Variants in RPTOR observed in about 807,000 individuals in gnomAD.
The protein encoded by RPTOR is regulatory-associated protein of mTOR.
A neutral mutation model predicts 169.9 loss-of-function variants in RPTOR; 21 were observed. The observed-to-expected ratio is 0.12, with a 90% CI of 0.09 to 0.18. The LOEUF is 0.18. RPTOR is among the 10% of genes least tolerant of loss of function. RPTOR has a pLI of 1.00. For missense variants in RPTOR, 1,133 were observed against 1,855.9 expected, an observed-to-expected ratio of 0.61 and a Z score of 7.16; for synonymous variants, 732 against 753.2, an observed-to-expected ratio of 0.97 and a Z score of 0.46.
intron 13 of RPTOR, among the ~76,000 whole-genome samples, chr17:80,862,988 G>A (rs550821925): frequency 5.9e-5 from 9 of 152,224 alleles, no homozygotes; most frequent in African/African-American, 2.2e-4. Flanking sequence ...CCAGCGGAAG[G>A]GCGAGCCTGG....
At chr17:80,890,173 G>C (rs2068302615) in intron 17 of RPTOR, among the ~76,000 whole-genome samples, 1 of 152,318 alleles carries the variant, frequency 6.6e-6, no homozygotes, top group Non-Finnish European at 1.5e-5. Flanking sequence ...TAACAGACGT[G>C]GCCCCTGTTG....
intron 20 of RPTOR, among the ~76,000 whole-genome samples, chr17:80,900,156 G>A (rs898980892): frequency 6.6e-6 from 1 of 151,944 alleles, no homozygotes; most frequent in Non-Finnish European, 1.5e-5. Flanking sequence ...GCCAGGAGTC[G>A]GGGACTCCTC....
At chr17:80,841,149 C>T (rs1810159340) in intron 10 of RPTOR, among the ~76,000 whole-genome samples, 1 of 127,412 alleles carries the variant, frequency 7.8e-6, no homozygotes, top group Non-Finnish European at 1.6e-5. Context: ...AGCTCACTCT[C>T]ACCGCACGGC....
At chr17:80,834,737 C>T (rs757691959) in intron 9 of RPTOR, among the ~76,000 whole-genome samples, 6 of 152,206 alleles carry the variant, frequency 3.9e-5, no homozygotes, top group Admixed American at 2.0e-4. Context: ...CAACACCAAG[C>T]GAGGGCCTTG....
chr17:80,830,302 G>A lies in RPTOR; in HGVS notation c.1136+7079G>A, dbSNP rs114108890. On this transcript the variant is annotated intron_variant, in intron 9 of 33. Coordinates refer to ENST00000306801, the MANE Select transcript of RPTOR (RefSeq NM_020761.3). ...CACTGACCAGTTCCGACCCCGCCCCGCCCCAACTCCAGCTCCACCCAGTTC... is the reference window on the plus strand; with the variant it reads ...CACTGACCAGTTCCGACCCCGCCCCACCCCAACTCCAGCTCCACCCAGTTC... 3.1e-3 allele frequency among the ~76,000 whole-genome samples: 466 copies of A among 152,152 alleles called. 2 individuals are homozygous for A. The highest frequency in any genetic ancestry group is 0.01 in the African/African-American group (424 of 41,468).
intron 4 of RPTOR, among the ~76,000 whole-genome samples, chr17:80,716,504 C>T (rs2066240708): frequency 6.6e-6 from 1 of 151,570 alleles, no homozygotes; most frequent in African/African-American, 2.4e-5. Flanking sequence ...AAGATTTTCT[C>T]TCACTCTGTG....
At chr17:80,809,981 C>T (rs1217493052) in intron 7 of RPTOR, among the ~76,000 whole-genome samples, 1 of 151,832 alleles carries the variant, frequency 6.6e-6, no homozygotes, top group Non-Finnish European at 1.5e-5. Context: ...ACGTTGAGTC[C>T]GTCCAGCAGT....
At position 80,800,392 on chromosome 17, in the gene RPTOR, G is replaced by A. The variant is rs370348937; in HGVS notation, c.890+8883G>A. 6.0e-4 allele frequency among the ~76,000 whole-genome samples: 92 copies of A among 152,276 alleles called. 1 individual carries two copies. The highest frequency in any genetic ancestry group is 1.4e-3 in the Admixed American group (21 of 15,306). ...AGGAAATCCAGTATTAACCCCTTCC[G>A]AGCTTTCGCCGTCCTTGTCAGATGG... On this transcript the variant is annotated intron_variant, in intron 7 of 33. Coordinates refer to ENST00000306801, the MANE Select transcript of RPTOR (RefSeq NM_020761.3).
Position 80,893,749 on chromosome 17 carries a change from GCAGCAGCGC to G in RPTOR, c.2293_2301del (p.Ala765_Ser767del). The G allele has an allele frequency of 1.2e-6, 2 of 1,608,466 alleles. No homozygotes were observed. The highest frequency in any genetic ancestry group is 1.7e-6 in the Non-Finnish European group (2 of 1,177,054). On this transcript the variant is annotated inframe_deletion, in exon 20 of 34. Transcript: ENST00000306801. ...TTCTCCCCCGGAAACCTCAGCACCA[GCAGCAGCGC>G]CAGCAGCACCCTGGGCAGCCCCGAG...
intron 7 of RPTOR, among the ~76,000 whole-genome samples, chr17:80,807,254 A>G (rs2067227338): frequency 6.6e-6 from 1 of 152,232 alleles, no homozygotes; most frequent in Non-Finnish European, 1.5e-5. Context: ...GTTTACATTT[A>G]GTGTAGTAAT....
At chr17:80,896,366 C>CCCGATACCCCACACGGCCGCG (rs2068399674) in intron 20 of RPTOR, among the ~76,000 whole-genome samples, 1 of 22,310 alleles carries the variant, frequency 4.5e-5, no homozygotes, top group Non-Finnish European at 1.8e-4. Context: ...ACACAGCCGC[C>CCCGATACCCCACACGGCCGCG]CCGACACCCC....
At chr17:80,654,118 G>A (rs1218565064) in intron 3 of RPTOR, among the ~76,000 whole-genome samples, 1 of 152,246 alleles carries the variant, frequency 6.6e-6, no homozygotes, top group Non-Finnish European at 1.5e-5. Flanking sequence ...TCCAGCAAGA[G>A]GAGAGAGAGG....
intron 2 of RPTOR, among the ~76,000 whole-genome samples, chr17:80,636,088 T>C (rs192404519): frequency 6.6e-6 from 1 of 152,322 alleles, no homozygotes; most frequent in African/African-American, 2.4e-5. Context: ...ACTCCAGCTT[T>C]ATTCCTTCCA....
intron 1 of RPTOR, among the ~76,000 whole-genome samples, chr17:80,552,295 G>T (rs2084355469): frequency 6.6e-6 from 1 of 152,148 alleles, no homozygotes; most frequent in Non-Finnish European, 1.5e-5. Context: ...TTTGGCCTCT[G>T]CCTGCCTTTT....
intron 6 of RPTOR, among the ~76,000 whole-genome samples, chr17:80,758,817 G>A (rs941327093): frequency 6.6e-6 from 1 of 151,964 alleles, no homozygotes; most frequent in Admixed American, 6.6e-5. Flanking sequence ...ACCCTCTGGG[G>A]CATTTTTGCA....
intron 10 of RPTOR, among the ~76,000 whole-genome samples, chr17:80,843,376 A>G (rs2067691458): frequency 6.6e-6 from 1 of 152,166 alleles, no homozygotes; most frequent in Admixed American, 6.5e-5. Flanking sequence ...AGCCAAGATC[A>G]TGCCACTGCA....
chr17:80,625,435 A>G, intron 1 of RPTOR, among the ~76,000 whole-genome samples: 1 of 152,166 alleles, frequency 6.6e-6, no homozygotes, highest in Admixed American at 6.5e-5. Flanking sequence ...GATTTATCAT[A>G]AGGAAGCCTG....
At chr17:80,776,417 G>A (rs1334776056) in intron 6 of RPTOR, among the ~76,000 whole-genome samples, 2 of 144,522 alleles carry the variant, frequency 1.4e-5, no homozygotes, top group Non-Finnish European at 3.0e-5. Context: ...TCTGCCTCCT[G>A]GATTCAAGCG....
chr17:80,671,101 C>G (rs1228830541), intron 3 of RPTOR, among the ~76,000 whole-genome samples: 2 of 152,274 alleles, frequency 1.3e-5, no homozygotes, highest in East Asian at 3.9e-4. Context: ...AATTTCTCTT[C>G]TTTTTCTTTC....
Sources: allele counts gnomAD v4.1 joint callset (sites outside exome capture counted in the v4.1 genomes callset), GRCh38; gene constraint gnomAD v4.1.1; transcripts MANE v1.5; gene names NCBI Gene and HGNC (gene_info 2026-07-23, HGNC 2026-07-21).